The following CD69 variants were observed in gnomAD, a reference collection of about 807,000 sequenced individuals.
The protein encoded by CD69 is early activation antigen CD69.
A neutral mutation model predicts 21.4 loss-of-function variants in CD69; 10 were observed. That is an observed-to-expected ratio of 0.47 (90% confidence interval 0.29 to 0.79). CD69 has a LOEUF of 0.79. Among genes scored for constraint, CD69 ranks in the 30% least tolerant of loss-of-function variants. The pLI, the probability that CD69 is intolerant of heterozygous loss-of-function variation, is 0.09. For synonymous variants in CD69, 63 were observed against 78.2 expected (o/e 0.81, Z 1.03); for missense variants, 204 against 236.9 (o/e 0.86, Z 0.91).
rs1394587227 is a variant in CD69 at position 9,752,935 on chromosome 12, A to G, written c.*546T>C. 6.5e-6 allele frequency: 1 copy of G among 152,706 alleles called. No individual in the cohort carries two copies. Among genetic ancestry groups the G allele is most frequent in the Middle Eastern group, 3.4e-3 (1 of 294 alleles). 9.5% of individuals were successfully genotyped at this position (152,706 alleles called of 1,614,324 possible). A position where few individuals can be genotyped will look rare whatever the true frequency, so the allele number is the denominator to read the frequency against. On this transcript the variant is annotated 3_prime_UTR_variant, in exon 5 of 5. Coordinates refer to ENST00000228434, the MANE Select transcript of CD69 (RefSeq NM_001781.2). ...ACAAAGTAAATTGGCAAATTTCTCTAAAAAGAGAGAAATATTACAAATCTT... is the reference window on the plus strand; with the variant it reads ...ACAAAGTAAATTGGCAAATTTCTCTGAAAAGAGAGAAATATTACAAATCTT...
intron 1 of CD69, among the ~76,000 whole-genome samples, chr12:9,760,459 A>C (rs973385931): frequency 1.6e-4 from 24 of 152,290 alleles, no homozygotes; most frequent in Non-Finnish European, 2.6e-4. Flanking sequence ...AAAGAGAAAG[A>C]TCTTTAAAGA....
intron 1 of CD69, 59 bp downstream of exon 1, chr12:9,760,698 A>T (rs906595481): frequency 8.5e-7 from 1 of 1,174,310 alleles, no homozygotes; most frequent in Non-Finnish European, 1.3e-6. Context: ...TTGTATAACT[A>T]CTATTAATGT....
intron 1 of CD69, among the ~76,000 whole-genome samples, chr12:9,757,261 A>G (rs915920809): frequency 7.2e-5 from 11 of 152,172 alleles, no homozygotes; most frequent in Admixed American, 1.3e-4. Context: ...ACGTGACAGT[A>G]TTTTTTGGTG....
chr12:9,754,543 G>A, intron 4 of CD69, 44 bp downstream of exon 4: 1 of 1,091,472 alleles, frequency 9.2e-7, no homozygotes, highest in Non-Finnish European at 1.4e-6. Context: ...TGATTTTCCT[G>A]AGATGCCACC....
intron 1 of CD69, among the ~76,000 whole-genome samples, chr12:9,758,123 A>G (rs1245242970): frequency 6.6e-6 from 1 of 151,714 alleles, no homozygotes; most frequent in Non-Finnish European, 1.5e-5. Context: ...TATGATGTTA[A>G]CGATAACTGA....
chr12:9,758,885 A>G (rs1201283561), intron 1 of CD69, among the ~76,000 whole-genome samples: 2 of 152,086 alleles, frequency 1.3e-5, no homozygotes, highest in East Asian at 1.9e-4. Flanking sequence ...AAGCTTTGGG[A>G]TGACTCTCAG....
At chr12:9,754,113 A>G (rs1866655541) in intron 4 of CD69, 1 of 153,586 alleles carries the variant, frequency 6.5e-6, no homozygotes, top group Admixed American at 6.5e-5. Context: ...TAATGAAAAT[A>G]GAGTATCTAA....
chr12:9,760,881 GC>G lies in CD69; in HGVS notation c.-62del. On this transcript the variant is annotated 5_prime_UTR_variant, in exon 1 of 5. Transcript: ENST00000228434. ...AAGTCAAGCTACAGTGAAAGTCTTTGCTGGAGCTCTTGTTGAGTCTGTGAGG... is the reference window on the plus strand; with the variant it reads ...AAGTCAAGCTACAGTGAAAGTCTTTGTGGAGCTCTTGTTGAGTCTGTGAGG... 1.5e-6 allele frequency: 2 copies of G among 1,373,978 alleles called. No homozygotes were observed. Among genetic ancestry groups the G allele is most frequent in the Non-Finnish European group, 2.1e-6 (2 of 969,612 alleles). 85.1% of individuals were successfully genotyped at this position (1,373,978 alleles called of 1,614,324 possible).
chr12:9,754,961 G>A (rs1049114901), intron 3 of CD69, 101 bp downstream of exon 3: 19 of 947,342 alleles, frequency 2.0e-5, no homozygotes, highest in Middle Eastern at 2.6e-4. Flanking sequence ...TAGGTACAAT[G>A]TTTGTTTGTT....
Position 9,755,209 on chromosome 12 carries a change from G to C in CD69, c.240C>G (p.Ser80Arg). The change falls in exon 3 of 5, where the codon AGC (serine) becomes AGG (arginine). Residue 80 changes from serine to arginine, a missense_variant. Ser to Arg is a moderately radical substitution (Grantham distance 110). Coordinates refer to ENST00000228434, the MANE Select transcript of CD69 (RefSeq NM_001781.2). ...AGTCCTCAGAGCATGAAGAAACATG[G>C]CTGTCTGATGGCATTGAGAATGTGT... ...GQYTFSMPSDSHVSSCSEDWV... is the reference protein window; with the variant it reads ...GQYTFSMPSDRHVSSCSEDWV... The C allele has an allele frequency of 6.2e-7, 1 of 1,613,972 alleles. No individual in the cohort carries two copies. Among genetic ancestry groups the C allele is most frequent in the South Asian group, 1.1e-5 (1 of 91,078 alleles).
chr12:9,757,128 TCTC>T (rs1866686299), intron 1 of CD69, among the ~76,000 whole-genome samples: 1 of 152,092 alleles, frequency 6.6e-6, no homozygotes, highest in South Asian at 2.1e-4. Context: ...AATTCCTTAA[TCTC>T]CTTGTAGTTA....
rs145524696 is a variant in CD69, at chr12:9,753,352, CCCAAGA to C, written c.*123_*128del. ...CCATAGTTCTGTTTGGAAGAAAATTCCCAAGACACTATAAAATTTTTTTTCACAAAG... is the reference window on the plus strand; with the variant it reads ...CCATAGTTCTGTTTGGAAGAAAATTCCACTATAAAATTTTTTTTCACAAAG... On this transcript the variant is annotated 3_prime_UTR_variant, in exon 5 of 5. Transcript: ENST00000228434. 71,592 of 444,802 alleles carry C rather than the reference CCCAAGA, an allele frequency of 0.16. 6,349 individuals are homozygous for C. The highest frequency in any genetic ancestry group is 0.18 in the Non-Finnish European group (44,476 of 245,060). The allele number at this position is 444,802 out of a possible 1,614,324, so 27.6% of individuals were successfully genotyped here.
At chr12:9,758,603 G>C (rs1478474546) in intron 1 of CD69, among the ~76,000 whole-genome samples, 1 of 152,118 alleles carries the variant, frequency 6.6e-6, no homozygotes, top group African/African-American at 2.4e-5. Context: ...TGCAAGAGAA[G>C]CCTTTACTTC....
chr12:9,756,782 C>T (rs1169999450), intron 1 of CD69, among the ~76,000 whole-genome samples: 2 of 152,004 alleles, frequency 1.3e-5, no homozygotes, highest in African/African-American at 4.8e-5. Flanking sequence ...CCAGAAGACA[C>T]ATAAAAAAAT....
At chr12:9,755,678 GTAAC>G (rs1217635044) in intron 2 of CD69, among the ~76,000 whole-genome samples, 5 of 152,176 alleles carry the variant, frequency 3.3e-5, no homozygotes, top group African/African-American at 7.2e-5. Context: ...GATGGAGAGA[GTAAC>G]TAACTTTTAG....
At chr12:9,758,981 G>C (rs771505400) in intron 1 of CD69, among the ~76,000 whole-genome samples, 7 of 149,190 alleles carry the variant, frequency 4.7e-5, no homozygotes, top group Non-Finnish European at 7.5e-5. Flanking sequence ...CCAGGCTGGA[G>C]TGCAGTTGCG....
At chr12:9,753,804 G>A (rs1480347075) in intron 4 of CD69, among the ~76,000 whole-genome samples, 2 of 152,072 alleles carry the variant, frequency 1.3e-5, no homozygotes, top group South Asian at 2.1e-4. Flanking sequence ...AGGAAAGCAC[G>A]CCATTCATTT....
At chr12:9,760,725 A>T (rs1217716366) in intron 1 of CD69, 32 bp downstream of exon 1, 1 of 1,513,048 alleles carries the variant, frequency 6.6e-7, no homozygotes, top group South Asian at 1.1e-5. Context: ...TAGAGATACC[A>T]GAGAGTAAAT....
chr12:9,756,468 T>C (rs1866680591), intron 1 of CD69, 49 bp from the exon 2 acceptor site: 1 of 1,484,666 alleles, frequency 6.7e-7, no homozygotes, highest in Non-Finnish European at 9.2e-7. Context: ...ATAGAAGTAC[T>C]ATAGGAATAT....
Sources: allele counts gnomAD v4.1 joint callset (sites outside exome capture counted in the v4.1 genomes callset), GRCh38; gene constraint gnomAD v4.1.1; transcripts MANE v1.5; gene names NCBI Gene and HGNC (gene_info 2026-07-23, HGNC 2026-07-21).